Variants in SULT1B1 observed in about 807,000 individuals in gnomAD.
The protein encoded by SULT1B1 is sulfotransferase 1B1.
SULT1B1 carries 28 observed loss-of-function variants against 34.6 expected under a neutral mutation model. That is an observed-to-expected ratio of 0.81 (90% confidence interval 0.60 to 1.11). The LOEUF (loss-of-function observed/expected upper bound fraction) is 1.11, where lower values mean the gene tolerates loss of function less well. Ranked by LOEUF, SULT1B1 falls within the 50% of genes least tolerant of loss-of-function variation. SULT1B1 has a pLI of 0.00. For synonymous variants in SULT1B1, 147 were observed against 110.2 expected (o/e 1.33, Z -2.09); for missense variants, 374 against 352.2 (o/e 1.06, Z -0.50).
In SULT1B1 at chr4:69,723,774, C is replaced by A. The variant is rs1578040596; in HGVS notation, c.*3314G>T. 2 of 152,254 alleles carry A rather than the reference C, an allele frequency of 1.3e-5. No individual in the cohort carries two copies. 9.4% of individuals were successfully genotyped at this position (152,254 alleles called of 1,614,324 possible). ...ATATAAACAGAACCAAAGACAAAAA[C>A]CACATGATTATCTCAATAGATGCAG... is the stretch of plus-strand genomic sequence containing the variant. On this transcript the variant is annotated 3_prime_UTR_variant, in exon 8 of 8. Transcript: ENST00000310613.
intron 5 of SULT1B1, among the ~76,000 whole-genome samples, 198 bp downstream of exon 5, chr4:69,733,940 C>T (rs1385838487): frequency 1.3e-5 from 2 of 151,906 alleles, no homozygotes; most frequent in Non-Finnish European, 2.9e-5. Flanking sequence ...CTTTTGTATG[C>T]CAATGATTAA....
chr4:69,732,085 G>T (rs548749917), intron 6 of SULT1B1, among the ~76,000 whole-genome samples: 34 of 152,100 alleles, frequency 2.2e-4, no homozygotes, highest in Non-Finnish European at 3.7e-4. Context: ...ACTTACCTCC[G>T]GCTAAACAAA....
intron 4 of SULT1B1, among the ~76,000 whole-genome samples, chr4:69,739,714 G>A (rs928254144): frequency 3.9e-5 from 6 of 152,226 alleles, no homozygotes; most frequent in Non-Finnish European, 8.8e-5. Context: ...CAACTGGCTT[G>A]AATTTCTCCC....
chr4:69,745,768 T>C (rs1718725441), intron 4 of SULT1B1, among the ~76,000 whole-genome samples: 1 of 152,222 alleles, frequency 6.6e-6, no homozygotes, highest in Non-Finnish European at 1.5e-5. Context: ...CAGATGGTTA[T>C]TATGTAGACT....
At chr4:69,752,776 A>G (rs1719026630) in intron 3 of SULT1B1, among the ~76,000 whole-genome samples, 1 of 152,146 alleles carries the variant, frequency 6.6e-6, no homozygotes, top group South Asian at 2.1e-4. Context: ...GGATTTGGAT[A>G]TTTCTCTTCA....
At chr4:69,734,488 A>G (rs1298630507) in intron 4 of SULT1B1, among the ~76,000 whole-genome samples, 2 of 152,158 alleles carry the variant, frequency 1.3e-5, no homozygotes, top group African/African-American at 4.8e-5. Flanking sequence ...AGACGTTTTG[A>G]AAAAAAGATT....
In SULT1B1 at chr4:69,733,449, G is replaced by A. The variant is rs545471638; in HGVS notation, c.561C>T (p.His187=). 124 of 1,608,348 alleles carry A rather than the reference G, an allele frequency of 7.7e-5. 2 individuals carry two copies. The South Asian group carries it at 1.2e-3, about 16-fold the overall frequency. ...VKNWWKKKEE[H]PILFLYYEDM... is the part of the protein sequence containing the mutation. ...CTTCATAGTACAAAAAAAGTATTGGGTGTTCTTCCTTTTTCTTCCACCAGT... is the reference window on the plus strand; with the variant it reads ...CTTCATAGTACAAAAAAAGTATTGGATGTTCTTCCTTTTTCTTCCACCAGT... Residue 187 remains histidine (H), a synonymous_variant, in exon 6 of 8, where the codon CAC becomes CAT. Coordinates refer to ENST00000310613, the MANE Select transcript of SULT1B1 (RefSeq NM_014465.4).
Position 69,724,853 on chromosome 4 carries a change from C to G in SULT1B1, c.*2235G>C, listed in dbSNP as rs1441716561. ...CAGAACCTGGATCCCTTCCTTACAC[C>G]TTATACAAAAATTAATTCAAGATGG... On this transcript the variant is annotated 3_prime_UTR_variant, in exon 8 of 8. Transcript: ENST00000310613. 6.6e-6 allele frequency: 1 copy of G among 152,156 alleles called. No homozygotes were observed. The highest frequency in any genetic ancestry group is 1.5e-5 in the Non-Finnish European group (1 of 68,036). 9.4% of individuals were successfully genotyped at this position (152,156 alleles called of 1,614,324 possible).
chr4:69,727,025 C>A lies in SULT1B1; in HGVS notation c.*63G>T. The A allele has an allele frequency of 8.3e-7, 1 of 1,199,780 alleles. No homozygotes were observed. Among genetic ancestry groups the A allele is most frequent in the South Asian group, 1.5e-5 (1 of 65,346 alleles). 74.3% of individuals were successfully genotyped at this position (1,199,780 alleles called of 1,614,324 possible). A position where few individuals can be genotyped will look rare whatever the true frequency, so the allele number is the denominator to read the frequency against. The stretch of plus-strand genomic sequence containing the variant: ...TTTGATTGCCCAAATCAATTCATAA[C>A]TGCCCTCGTTTCAATCAACTACAGA... On this transcript the variant is annotated 3_prime_UTR_variant, in exon 8 of 8. Coordinates refer to ENST00000310613, the MANE Select transcript of SULT1B1 (RefSeq NM_014465.4).
chr4:69,730,059 G>A (rs963483722), intron 7 of SULT1B1, among the ~76,000 whole-genome samples: 2 of 152,014 alleles, frequency 1.3e-5, no homozygotes, highest in East Asian at 1.9e-4. Flanking sequence ...TCTCCTTTTG[G>A]TGAATTATTT....
chr4:69,730,384 T>C (rs1230575561), intron 7 of SULT1B1, 117 bp downstream of exon 7: 1 of 841,310 alleles, frequency 1.2e-6, no homozygotes, highest in Non-Finnish European at 1.7e-6. Context: ...GTGGTAGGTA[T>C]TTGCTATAAA....
chr4:69,756,798 A>C (rs1216977994), intron 1 of SULT1B1, among the ~76,000 whole-genome samples: 1 of 152,168 alleles, frequency 6.6e-6, no homozygotes, highest in Non-Finnish European at 1.5e-5. Flanking sequence ...GTTCAAAGGC[A>C]GTCAGACAGG....
intron 6 of SULT1B1, among the ~76,000 whole-genome samples, chr4:69,730,935 A>G (rs1480310523): frequency 6.6e-6 from 1 of 152,188 alleles, no homozygotes; most frequent in African/African-American, 2.4e-5. Flanking sequence ...AGTGGTTAGA[A>G]TGAGTAAACG....
intron 3 of SULT1B1, among the ~76,000 whole-genome samples, chr4:69,751,521 A>G (rs1223909002): frequency 1.3e-5 from 2 of 151,960 alleles, no homozygotes; most frequent in Non-Finnish European, 2.9e-5. Flanking sequence ...GCGCGATCTC[A>G]GTTCACTGCA....
chr4:69,743,813 C>G (rs139415630), intron 4 of SULT1B1, among the ~76,000 whole-genome samples: 3 of 152,290 alleles, frequency 2.0e-5, no homozygotes, highest in Non-Finnish European at 4.4e-5. Flanking sequence ...GTGTGTTCCG[C>G]GAGCGGGTAG....
At position 69,737,533 on chromosome 4, in the gene SULT1B1, T is replaced by C. The variant is rs1428785586; in HGVS notation, c.376-3269A>G. 2.6e-5 allele frequency among the ~76,000 whole-genome samples: 4 copies of C among 152,216 alleles called. No homozygotes were observed. The East Asian group carries it at 7.7e-4, about 29-fold the overall frequency. On this transcript the variant is annotated intron_variant, in intron 4 of 7. Coordinates refer to ENST00000310613, the MANE Select transcript of SULT1B1 (RefSeq NM_014465.4). Reference sequence around the variant, plus strand: ...TATCTGATGCGGTGTTCAGTTTATGTACAGGATCACTTGGGACCATTATGT... The same window carrying C: ...TATCTGATGCGGTGTTCAGTTTATGCACAGGATCACTTGGGACCATTATGT...
At chr4:69,728,760 A>G (rs1717940869) in intron 7 of SULT1B1, among the ~76,000 whole-genome samples, 2 of 152,062 alleles carry the variant, frequency 1.3e-5, no homozygotes, top group Non-Finnish European at 2.9e-5. Context: ...ATGCTTACAT[A>G]TAATTTACCA....
chr4:69,721,366 T>G lies in SULT1B1; in HGVS notation c.*5722A>C, dbSNP rs1717665426. ...TACATGGGTCATTGATAACCACCAG[T>G]ATCTCTCTTTTTCCCCGGCCTTTCC... is the stretch of plus-strand genomic sequence containing the variant. On this transcript the variant is annotated 3_prime_UTR_variant, in exon 8 of 8. Transcript: ENST00000310613. 6.6e-6 allele frequency: 1 copy of G among 152,138 alleles called. No homozygotes were observed. Among genetic ancestry groups the G allele is most frequent in the South Asian group, 2.1e-4 (1 of 4,834 alleles). The allele number at this position is 152,138 out of a possible 1,614,324, so 9.4% of individuals were successfully genotyped here.
At chr4:69,747,929 T>C (rs1272583836) in intron 4 of SULT1B1, among the ~76,000 whole-genome samples, 2 of 152,072 alleles carry the variant, frequency 1.3e-5, no homozygotes, top group Non-Finnish European at 2.9e-5. Context: ...CTTAATGCCT[T>C]TTATCCAAAG....
Sources: gnomAD v4.1 joint callset for allele counts (sites outside exome capture counted in the v4.1 genomes callset) on GRCh38, gnomAD v4.1.1 for gene constraint, MANE v1.5 for transcripts, NCBI Gene and HGNC (gene_info 2026-07-23, HGNC 2026-07-21) for gene names.